Variants in DCDC1 observed in about 807,000 individuals in gnomAD.
DCDC1 encodes the protein doublecortin domain containing 1, also known as doublecortin domain-containing protein 1.
In DCDC1, 200 loss-of-function variants were observed where a neutral mutation model predicts 178.3. That is an observed-to-expected ratio of 1.12 (90% confidence interval 1.00 to 1.26). The LOEUF (loss-of-function observed/expected upper bound fraction) is 1.26, where lower values mean the gene tolerates loss of function less well. DCDC1 is among the 50% of genes most tolerant of loss of function. The probability of loss-of-function intolerance (pLI) is 0.00; values close to 1 mark genes in which losing one functional copy is unlikely to be tolerated. For missense variants in DCDC1, 1,983 were observed against 1,749.2 expected (o/e 1.13, Z -2.38); for synonymous variants, 690 against 604.8 (o/e 1.14, Z -2.07).
At chr11:30,872,441 A>AT (rs35357178) in intron 38 of DCDC1, among the ~76,000 whole-genome samples, 3,608 of 152,262 alleles carry the variant, frequency 0.024, 120 homozygotes, top group African/African-American at 0.082. Context: ...TACTTTGGAT[A>AT]TATTGAGTTG....
intron 22 of DCDC1, among the ~76,000 whole-genome samples, chr11:30,927,844 C>T (rs1946681997): frequency 6.6e-6 from 1 of 152,056 alleles, no homozygotes; most frequent in Admixed American, 6.6e-5. Flanking sequence ...AAACTATTCC[C>T]TCATATTTGA....
intron 9 of DCDC1, among the ~76,000 whole-genome samples, chr11:31,226,932 A>G (rs1297112502): frequency 6.6e-6 from 1 of 152,102 alleles, no homozygotes; most frequent in Non-Finnish European, 1.5e-5. Flanking sequence ...ATAACAGATA[A>G]AAATAAAATA....
intron 20 of DCDC1, among the ~76,000 whole-genome samples, chr11:30,978,779 AACACACACACACACACAC>A (rs56058117): frequency 3.9e-4 from 46 of 119,028 alleles, no homozygotes; most frequent in Admixed American, 1.2e-3. Flanking sequence ...GTCCCCCCTC[AACACACACACACACACAC>A]ACACACACAC....
At chr11:31,307,524 CGAGAGA>C (rs1388189095) in intron 4 of DCDC1, 109 bp downstream of exon 4, 64 of 1,390,390 alleles carry the variant, frequency 4.6e-5, no homozygotes, top group Non-Finnish European at 5.9e-5. Flanking sequence ...AAACAAAACC[CGAGAGA>C]TGTGTTACAT....
intron 21 of DCDC1, among the ~76,000 whole-genome samples, chr11:30,933,383 T>G (rs1043901833): frequency 6.6e-6 from 1 of 152,150 alleles, no homozygotes; most frequent in East Asian, 1.9e-4. Flanking sequence ...TTGTGTTAAA[T>G]CATATAAAGC....
chr11:30,924,246 T>C (rs1205337161), intron 23 of DCDC1, among the ~76,000 whole-genome samples: 2 of 152,140 alleles, frequency 1.3e-5, no homozygotes, highest in Non-Finnish European at 2.9e-5. Context: ...AACAAAACAC[T>C]TGGAGAGATG....
intron 7 of DCDC1, among the ~76,000 whole-genome samples, chr11:31,288,362 T>C (rs547822952): frequency 6.6e-6 from 1 of 152,142 alleles, no homozygotes; most frequent in South Asian, 2.1e-4. Context: ...CAGATTTAAA[T>C]CGCAAAGAGA....
At chr11:31,281,017 G>T in intron 7 of DCDC1, 1 of 553,148 alleles carries the variant, frequency 1.8e-6, no homozygotes, top group Non-Finnish European at 3.5e-6. Flanking sequence ...CACAACGAAG[G>T]TTCCCGCTCT....
chr11:30,915,712 C>G lies in DCDC1; in HGVS notation c.3453-1G>C, dbSNP rs1461684024. 6.2e-7 allele frequency: 1 copy of G among 1,610,608 alleles called. No individual in the cohort carries two copies. The highest frequency in any genetic ancestry group is 2.2e-5 in the East Asian group (1 of 44,808). The stretch of plus-strand genomic sequence containing the variant: ...CAATTTACTATGCTTTGGTGAACAG[C>G]TGAGATAAAGAAATCTCTATTAGTG... On this transcript the variant is annotated splice_acceptor_variant, in intron 26 of 38. Transcript: ENST00000684477. LOFTEE classifies it high-confidence loss of function.
chr11:30,879,121 T>C (rs1158266302), intron 37 of DCDC1, among the ~76,000 whole-genome samples: 1 of 152,140 alleles, frequency 6.6e-6, no homozygotes, highest in African/African-American at 2.4e-5. Flanking sequence ...TTTTGCAAAA[T>C]CCAATTGATT....
At chr11:30,941,648 T>C (rs189380996) in intron 21 of DCDC1, among the ~76,000 whole-genome samples, 1 of 152,254 alleles carries the variant, frequency 6.6e-6, no homozygotes, top group Admixed American at 6.6e-5. Context: ...TATTCCAAAA[T>C]TTTTAAAAGC....
chr11:31,172,977 T>C (rs532224643), intron 9 of DCDC1, among the ~76,000 whole-genome samples: 121 of 152,270 alleles, frequency 7.9e-4, no homozygotes, highest in Non-Finnish European at 1.5e-3. Context: ...ATGATGCACA[T>C]ATAAATAGAT....
At chr11:31,296,193 T>C (rs1168995285) in intron 6 of DCDC1, among the ~76,000 whole-genome samples, 3 of 152,194 alleles carry the variant, frequency 2.0e-5, no homozygotes, top group Non-Finnish European at 4.4e-5. Context: ...GCAAGGAATA[T>C]GAAAAAAGAC....
At chr11:31,290,513 T>C (rs1947147061) in intron 7 of DCDC1, 134 bp downstream of exon 7, 1 of 945,502 alleles carries the variant, frequency 1.1e-6, no homozygotes, top group Non-Finnish European at 1.5e-6. Context: ...TATACAGAAT[T>C]TTTTAGTTCT....
chr11:31,312,990 TA>T (rs1167015114), intron 3 of DCDC1, among the ~76,000 whole-genome samples: 1 of 151,674 alleles, frequency 6.6e-6, no homozygotes, highest in Non-Finnish European at 1.5e-5. Context: ...ACCTCGTCTC[TA>T]AAAAAAATTA....
chr11:31,087,234 G>A lies in DCDC1; in HGVS notation c.2237+4159C>T, dbSNP rs147957329. 1.4e-3 allele frequency among the ~76,000 whole-genome samples: 214 copies of A among 152,112 alleles called. 1 individual carries two copies. Among genetic ancestry groups the A allele is most frequent in the African/African-American group, 4.8e-3 (200 of 41,522 alleles). The stretch of plus-strand genomic sequence containing the variant: ...GTGATATCTCTCATTGCTGATACAG[G>A]TAATTTGTGTCCTCTCTTTTTATCT... On this transcript the variant is annotated intron_variant, in intron 17 of 38. Transcript: ENST00000684477.
intron 20 of DCDC1, among the ~76,000 whole-genome samples, chr11:31,019,034 C>A (rs1462629161): frequency 1.3e-5 from 2 of 152,100 alleles, no homozygotes; most frequent in Non-Finnish European, 2.9e-5. Context: ...GTGGGAAAAT[C>A]ATGGATTTTC....
intron 4 of DCDC1, among the ~76,000 whole-genome samples, chr11:31,307,206 T>C (rs1482164084): frequency 6.6e-6 from 1 of 152,240 alleles, no homozygotes; most frequent in Non-Finnish European, 1.5e-5. Flanking sequence ...TATTTTCTTC[T>C]GTCTATGAAC....
Position 31,296,192 on chromosome 11 carries a change from A to T in DCDC1, c.755-5340T>A, listed in dbSNP as rs759928780. On this transcript the variant is annotated intron_variant, in intron 6 of 38. Coordinates refer to ENST00000684477, the MANE Select transcript of DCDC1 (RefSeq NM_001387274.1). ...ATGTGCCAGATTCTGTGCAAGGAAT[A>T]TGAAAAAAGACACAAGTCCTTTTTC... Among the ~76,000 whole-genome samples the T allele has an allele frequency of 5.3e-5, 8 of 152,222 alleles. No individual in the cohort carries two copies. In the East Asian group the frequency reaches 1.5e-3, roughly 29 times the overall value.
Sources: gnomAD v4.1 joint callset for allele counts (sites outside exome capture counted in the v4.1 genomes callset) on GRCh38, gnomAD v4.1.1 for gene constraint, MANE v1.5 for transcripts, NCBI Gene and HGNC (gene_info 2026-07-23, HGNC 2026-07-21) for gene names.